The following KL variants were observed in gnomAD, a reference collection of about 807,000 sequenced individuals.
KL encodes klotho, also known as alpha-klotho.
A neutral mutation model predicts 84.2 loss-of-function variants in KL; 62 were observed. That is an observed-to-expected ratio of 0.74 (90% CI 0.60 to 0.91). The LOEUF is 0.91. Among genes scored for constraint, KL ranks in the 40% least tolerant of loss-of-function variants. The pLI is 0.00. For synonymous variants in KL, 528 were observed against 528.0 expected (o/e 1.00, Z 0.00); for missense variants, 1,261 against 1,305.7 (o/e 0.97, Z 0.53).
intron 1 of KL, among the ~76,000 whole-genome samples, chr13:33,029,690 G>C (rs1375525490): frequency 2.0e-5 from 3 of 152,162 alleles, no homozygotes; most frequent in East Asian, 1.9e-4. Flanking sequence ...CTGGAGTGCA[G>C]TGGCACAATC....
At chr13:33,021,016 C>T (rs1385688369) in intron 1 of KL, among the ~76,000 whole-genome samples, 1 of 152,224 alleles carries the variant, frequency 6.6e-6, no homozygotes, top group Non-Finnish European at 1.5e-5. Flanking sequence ...TCCTCCCGCG[C>T]TCTTCCCTTT....
At chr13:33,029,011 G>T (rs549474725) in intron 1 of KL, among the ~76,000 whole-genome samples, 1 of 152,072 alleles carries the variant, frequency 6.6e-6, no homozygotes, top group Non-Finnish European at 1.5e-5. Context: ...GAGAACTGGG[G>T]GAATTGTAGG....
At chr13:33,030,706 A>T (rs1870942100) in intron 1 of KL, among the ~76,000 whole-genome samples, 2 of 152,208 alleles carry the variant, frequency 1.3e-5, no homozygotes, top group African/African-American at 4.8e-5. Context: ...ATTTGAGGAA[A>T]GCTATCAACA....
At chr13:33,018,474 AG>A (rs1870452925) in intron 1 of KL, among the ~76,000 whole-genome samples, 2 of 152,222 alleles carry the variant, frequency 1.3e-5, no homozygotes, top group South Asian at 4.1e-4. Context: ...ATTTTATGTC[AG>A]TTCCACAAAA....
chr13:33,054,196 T>C lies in KL; in HGVS notation c.1249T>C (p.Trp417Arg). 6.2e-7 allele frequency: 1 copy of C among 1,613,838 alleles called. No homozygotes were observed. Among genetic ancestry groups the C allele is most frequent in the Non-Finnish European group, 8.5e-7 (1 of 1,179,974 alleles). Reference sequence around the variant, plus strand: ...TCAAATATTTATTGTGGAAAATGGCTGGTTTGTCTCAGGGACCACCAAGAG... The same window carrying C: ...TCAAATATTTATTGTGGAAAATGGCCGGTTTGTCTCAGGGACCACCAAGAG... ...HPQIFIVENG[W>R]FVSGTTKRDD... Residue 417 changes from tryptophan to arginine, a missense_variant, in exon 2 of 5, where the codon TGG (tryptophan) becomes CGG (arginine). Transcript: ENST00000380099.
chr13:33,029,222 T>C (rs375717308), intron 1 of KL, among the ~76,000 whole-genome samples: 11 of 152,228 alleles, frequency 7.2e-5, no homozygotes, highest in Non-Finnish European at 1.2e-4. Context: ...TTTGGAGAAT[T>C]TTCAAAGTTT....
chr13:33,041,331 G>GT (rs1426821590), intron 1 of KL, among the ~76,000 whole-genome samples: 3 of 147,328 alleles, frequency 2.0e-5, no homozygotes, highest in Admixed American at 6.7e-5. Flanking sequence ...GTTGTTTTCA[G>GT]TTTTTTTGCT....
rs995644762 is a variant in KL, at chr13:33,060,939, C to A, written c.1860C>A (p.Arg620=). The A allele has an allele frequency of 8.1e-6, 13 of 1,612,170 alleles. No individual in the cohort carries two copies. The Admixed American group carries it at 1.2e-4, about 14-fold the overall frequency. Reference sequence around the variant, plus strand: ...ACCACACCATCCTGCAGTACTATCGCTGCATGGCCAGCGAGCTTGTCCGTG... The same window carrying A: ...ACCACACCATCCTGCAGTACTATCGATGCATGGCCAGCGAGCTTGTCCGTG... The part of the protein sequence containing the change: ...QVNHTILQYY[R]CMASELVRVN... Residue 620 remains arginine (R), a synonymous_variant, in exon 4 of 5, where the codon CGC becomes CGA. Coordinates refer to ENST00000380099, the MANE Select transcript of KL (RefSeq NM_004795.4).
Position 33,065,819 on chromosome 13 carries a change from G to A in KL, c.*1633G>A, listed in dbSNP as rs1024400470. 5.8e-6 allele frequency: 1 copy of A among 173,262 alleles called. No homozygotes were observed. The highest frequency in any genetic ancestry group is 2.4e-5 in the African/African-American group (1 of 42,050). 10.7% of individuals were successfully genotyped at this position (173,262 alleles called of 1,614,324 possible). On this transcript the variant is annotated 3_prime_UTR_variant, in exon 5 of 5. Transcript: ENST00000380099. ...AATAGCCACTATTAACATTTCCTACGTATTTTATTTTACATAGATCATATT... is the reference window on the plus strand; with the variant it reads ...AATAGCCACTATTAACATTTCCTACATATTTTATTTTACATAGATCATATT...
At position 33,064,155 on chromosome 13, in the gene KL, A is replaced by G. The variant is rs35328951; in HGVS notation, c.3008A>G (p.Tyr1003Cys). Residue 1003 changes from tyrosine to cysteine, a missense_variant, in exon 5 of 5, where the codon TAC becomes TGC. Physicochemically the swap from Tyr to Cys is radical, Grantham distance 194 (BLOSUM62 -2). Transcript: ENST00000380099. Reference protein sequence around the residue: ...SIISLSLIFYYSKKGRRSYK With the variant: ...SIISLSLIFYCSKKGRRSYK ...ATTTCTCTCTCCCTTATATTTTACT[A>G]CTCGAAGAAAGGCAGAAGAAGTTAC... is the stretch of plus-strand genomic sequence containing the variant. 1,847 of 1,610,370 alleles carry G rather than the reference A, an allele frequency of 1.1e-3. 24 individuals carry two copies. The African/African-American group carries it at 0.017, about 14-fold the overall frequency.
At chr13:33,034,859 T>C (rs144601597) in intron 1 of KL, among the ~76,000 whole-genome samples, 102 of 152,296 alleles carry the variant, frequency 6.7e-4, no homozygotes, top group African/African-American at 2.4e-3. Context: ...TCTTGACCCA[T>C]AGTAAGAAAG....
intron 1 of KL, among the ~76,000 whole-genome samples, chr13:33,034,965 CTTCTA>C (rs1871104806): frequency 6.6e-6 from 1 of 152,178 alleles, no homozygotes; most frequent in Non-Finnish European, 1.5e-5. Flanking sequence ...TTCCTAATCT[CTTCTA>C]TTTTGATTTT....
chr13:33,052,657 G>A (rs1314018974), intron 1 of KL, among the ~76,000 whole-genome samples: 1 of 152,186 alleles, frequency 6.6e-6, no homozygotes, highest in African/African-American at 2.4e-5. Flanking sequence ...TGAACCACGA[G>A]AGGAATATTT....
intron 1 of KL, among the ~76,000 whole-genome samples, chr13:33,039,725 A>T (rs1871268599): frequency 6.6e-6 from 1 of 152,140 alleles, no homozygotes; most frequent in Middle Eastern, 3.2e-3. Flanking sequence ...GCAGAAAGGG[A>T]TATGGATATG....
intron 4 of KL, 118 bp downstream of exon 4, chr13:33,061,898 T>G: frequency 9.4e-7 from 1 of 1,063,720 alleles, no homozygotes; most frequent in African/African-American, 1.5e-5. Context: ...GCTATCCATT[T>G]TGTGCCTCAC....
intron 4 of KL, among the ~76,000 whole-genome samples, chr13:33,062,422 C>T (rs886210006): frequency 2.0e-5 from 3 of 150,946 alleles, no homozygotes; most frequent in African/African-American, 7.3e-5. Flanking sequence ...CCTGTAATCC[C>T]AGCACTTTGG....
chr13:33,039,145 G>A (rs939250938), intron 1 of KL, among the ~76,000 whole-genome samples: 15 of 152,252 alleles, frequency 9.9e-5, no homozygotes, highest in African/African-American at 3.4e-4. Flanking sequence ...ACTATAGTTT[G>A]TAATTTAATA....
intron 1 of KL, among the ~76,000 whole-genome samples, chr13:33,017,546 A>C (rs906467427): frequency 2.0e-5 from 3 of 152,178 alleles, no homozygotes; most frequent in African/African-American, 7.2e-5. Flanking sequence ...CTCTGGGTGT[A>C]GAGGAATTCC....
Position 33,016,923 on chromosome 13 carries a change from C to T in KL, c.483C>T (p.Ser161=). ...GGGCGCGAGTGCTCCCCAATGGCAG[C>T]GCGGGCGTCCCCAACCGCGAGGGGC... ...ISWARVLPNG[S]AGVPNREGLR... Residue 161 remains serine (S), a synonymous_variant, in exon 1 of 5, where the codon AGC becomes AGT. Coordinates refer to ENST00000380099, the MANE Select transcript of KL (RefSeq NM_004795.4). 1 of 1,610,472 alleles carries T rather than the reference C, an allele frequency of 6.2e-7. No homozygotes were observed. Among genetic ancestry groups the T allele is most frequent in the Non-Finnish European group, 8.5e-7 (1 of 1,179,292 alleles).
Sources: gnomAD v4.1 joint callset for allele counts (sites outside exome capture counted in the v4.1 genomes callset) on GRCh38, gnomAD v4.1.1 for gene constraint, MANE v1.5 for transcripts, NCBI Gene and HGNC (gene_info 2026-07-23, HGNC 2026-07-21) for gene names.